Variants in CAMK4 observed in about 807,000 individuals in gnomAD.
CAMK4 encodes the protein calcium/calmodulin dependent protein kinase IV, also known as calcium/calmodulin-dependent protein kinase type IV.
CAMK4 carries 22 observed loss-of-function variants against 44.9 expected under a neutral mutation model. The ratio of observed to expected loss-of-function variants is 0.49; its 90% CI spans 0.35 to 0.70. CAMK4 has a LOEUF of 0.70. CAMK4 is among the 30% of genes least tolerant of loss of function. The pLI is 0.01. For synonymous variants in CAMK4, 218 were observed against 215.4 expected, an observed-to-expected ratio of 1.01 and a Z score of -0.11; for missense variants, 498 against 586.8, an observed-to-expected ratio of 0.85 and a Z score of 1.56.
intron 1 of CAMK4, among the ~76,000 whole-genome samples, chr5:111,281,730 C>T (rs1047374557): frequency 3.3e-4 from 50 of 152,108 alleles, no homozygotes; most frequent in African/African-American, 1.1e-3. Context: ...GAATGGGCTG[C>T]GTCTCATGGA....
intron 1 of CAMK4, among the ~76,000 whole-genome samples, chr5:111,337,988 T>C (rs73232056): frequency 0.042 from 6,343 of 151,310 alleles, 453 homozygotes; most frequent in African/African-American, 0.15. Context: ...CAATGTGTAG[T>C]TGCATCTTCA....
intron 2 of CAMK4, among the ~76,000 whole-genome samples, chr5:111,346,848 C>CAAAAAT (rs1473798676): frequency 1.4e-4 from 7 of 51,772 alleles, no homozygotes; most frequent in African/African-American, 4.5e-4. Context: ...CAAACAAAAA[C>CAAAAAT]ACTAACACCA....
chr5:111,482,499 A>T lies in CAMK4; in HGVS notation c.829-286A>T. The stretch of plus-strand genomic sequence containing the variant: ...CTGGTTCTGCCTTCAAAGAACTTCC[A>T]GTCCACAGGCAAGTGAGGAGCTGTT... On this transcript the variant is annotated intron_variant, in intron 9 of 10. Transcript: ENST00000282356. The surrounding 1 kb of genome is among the most constrained non-coding windows in gnomAD (Gnocchi z 4.9). The T allele has an allele frequency of 4.1e-6, 1 of 245,038 alleles. No homozygotes were observed. 15.2% of individuals were successfully genotyped at this position (245,038 alleles called of 1,614,324 possible). A position where few individuals can be genotyped will look rare whatever the true frequency, so the allele number is the denominator to read the frequency against.
chr5:111,267,923 T>C (rs1344343626), intron 1 of CAMK4, among the ~76,000 whole-genome samples: 1 of 152,188 alleles, frequency 6.6e-6, no homozygotes, highest in Middle Eastern at 3.2e-3. Flanking sequence ...TATTATTTAT[T>C]TGTCTGGGTA....
intron 1 of CAMK4, among the ~76,000 whole-genome samples, chr5:111,301,119 G>A (rs1580552206): frequency 1.3e-5 from 2 of 151,540 alleles, no homozygotes; most frequent in South Asian, 4.2e-4. Flanking sequence ...CCTTTTGTAA[G>A]ACATATGACC....
chr5:111,459,597 A>G (rs545677320), intron 7 of CAMK4, among the ~76,000 whole-genome samples: 1 of 151,324 alleles, frequency 6.6e-6, no homozygotes, highest in South Asian at 2.1e-4. Flanking sequence ...TATATTTTGG[A>G]TTGAGATGGT....
chr5:111,236,714 C>T (rs6897232), intron 1 of CAMK4, among the ~76,000 whole-genome samples: 119,814 of 152,152 alleles, frequency 0.79, 48,074 homozygotes, highest in African/African-American at 0.95. Context: ...TCCCCACTCA[C>T]ACCATTTCAT....
intron 1 of CAMK4, among the ~76,000 whole-genome samples, chr5:111,272,808 T>C (rs1165987328): frequency 1.3e-5 from 2 of 152,196 alleles, no homozygotes; most frequent in Non-Finnish European, 2.9e-5. Context: ...TCCTTGTCTC[T>C]ATACAGAGTG....
At chr5:111,338,242 T>G (rs573397047) in intron 1 of CAMK4, among the ~76,000 whole-genome samples, 231 of 151,372 alleles carry the variant, frequency 1.5e-3, no homozygotes, top group African/African-American at 5.4e-3. Context: ...AAAATTTACT[T>G]AGAACTTAAG....
intron 1 of CAMK4, among the ~76,000 whole-genome samples, chr5:111,250,565 C>A (rs1029062838): frequency 1.3e-5 from 2 of 152,192 alleles, no homozygotes; most frequent in African/African-American, 4.8e-5. Context: ...ACTCCACTTC[C>A]CAGTATACTG....
At chr5:111,284,038 T>C (rs1028885439) in intron 1 of CAMK4, among the ~76,000 whole-genome samples, 9 of 152,360 alleles carry the variant, frequency 5.9e-5, no homozygotes, top group South Asian at 2.1e-4. Context: ...GGTGAAACTT[T>C]ATTACGTAAT....
intron 2 of CAMK4, among the ~76,000 whole-genome samples, chr5:111,374,533 A>G (rs545955984): frequency 1.3e-5 from 2 of 152,278 alleles, no homozygotes; most frequent in African/African-American, 4.8e-5. Flanking sequence ...AAAGGAAGAC[A>G]AAGAAGAAGG....
chr5:111,248,636 A>G (rs2434722), intron 1 of CAMK4, among the ~76,000 whole-genome samples: 33,395 of 152,028 alleles, frequency 0.22, 4,075 homozygotes, highest in Non-Finnish European at 0.28. Context: ...TGCTTGGTAT[A>G]TGTTGTGCCT....
chr5:111,385,113 A>G (rs1214760361), intron 4 of CAMK4, among the ~76,000 whole-genome samples: 1 of 152,178 alleles, frequency 6.6e-6, no homozygotes. Context: ...CAATATCACA[A>G]ATTTTTTTAA....
intron 1 of CAMK4, among the ~76,000 whole-genome samples, chr5:111,246,094 C>T (rs1172392252): frequency 6.6e-6 from 1 of 152,096 alleles, no homozygotes; most frequent in Non-Finnish European, 1.5e-5. Flanking sequence ...TATGTGTGGA[C>T]GTGTTTTTCT....
At chr5:111,478,335 C>G (rs1257416758) in intron 8 of CAMK4, 46 bp from the exon 9 acceptor site, 3 of 1,267,348 alleles carry the variant, frequency 2.4e-6, no homozygotes, top group Non-Finnish European at 3.3e-6. Context: ...ATGAAATATA[C>G]TTGAGCTTTT....
intron 1 of CAMK4, among the ~76,000 whole-genome samples, chr5:111,247,456 A>G (rs1203226985): frequency 1.3e-5 from 2 of 148,592 alleles, no homozygotes; most frequent in South Asian, 2.1e-4. Flanking sequence ...TAAATTTCAT[A>G]AAATTTAAGA....
intron 1 of CAMK4, among the ~76,000 whole-genome samples, chr5:111,234,409 T>C (rs989183704): frequency 1.3e-5 from 2 of 151,990 alleles, no homozygotes; most frequent in Non-Finnish European, 2.9e-5. Flanking sequence ...GGAATACAGA[T>C]TGCACATCAA....
intron 1 of CAMK4, among the ~76,000 whole-genome samples, chr5:111,277,882 C>T (rs535879011): frequency 1.4e-4 from 21 of 152,172 alleles, no homozygotes; most frequent in African/African-American, 5.1e-4. Flanking sequence ...AATATAAAAA[C>T]TGTGATCCTG....
Sources: allele counts gnomAD v4.1 joint callset (sites outside exome capture counted in the v4.1 genomes callset), GRCh38; gene constraint gnomAD v4.1.1; non-coding constraint Gnocchi (gnomAD v3.1); transcripts MANE v1.5; gene names NCBI Gene and HGNC (gene_info 2026-07-23, HGNC 2026-07-21).